OMA1: variants seen among roughly 807,000 people sequenced by gnomAD.
The protein encoded by OMA1 is metalloendopeptidase OMA1, mitochondrial.
Under a neutral mutation model 30.9 loss-of-function variants are expected in OMA1, and 38 were observed. That is an observed-to-expected ratio of 1.23 (90% CI 0.95 to 1.61). OMA1 has a LOEUF of 1.61. OMA1 is among the 40% of genes most tolerant of loss of function. The probability of loss-of-function intolerance (pLI) is 0.00; values close to 1 mark genes in which losing one functional copy is unlikely to be tolerated. For synonymous variants in OMA1, 173 were observed against 121.9 expected, an observed-to-expected ratio of 1.42 and a Z score of -2.76; for missense variants, 461 against 349.2, an observed-to-expected ratio of 1.32 and a Z score of -2.55.
rs67922378 is a variant in OMA1, at chr1:58,480,867, CTTTT to C, written c.*94_*97del. The C allele has an allele frequency of 6.6e-6, 4 of 610,634 alleles. No individual in the cohort carries two copies. The highest frequency in any genetic ancestry group is 8.2e-6 in the Non-Finnish European group (3 of 364,470). 37.8% of individuals were successfully genotyped at this position (610,634 alleles called of 1,614,324 possible). A position where few individuals can be genotyped will look rare whatever the true frequency, so the allele number is the denominator to read the frequency against. ...TGTACATGATTTGACCCTGAATATC[CTTTT>C]TTTTTTCACTTCAAACATCATTTTT... On this transcript the variant is annotated 3_prime_UTR_variant, in exon 9 of 9. Transcript: ENST00000371226.
At chr1:58,488,608 T>A (rs1645617822) in intron 8 of OMA1, among the ~76,000 whole-genome samples, 1 of 152,062 alleles carries the variant, frequency 6.6e-6, no homozygotes, top group Admixed American at 6.5e-5. Context: ...TGAGCCACCA[T>A]GTCTCGCTAA....
chr1:58,492,976 T>C (rs1335338812), intron 8 of OMA1, among the ~76,000 whole-genome samples: 1 of 152,134 alleles, frequency 6.6e-6, no homozygotes, highest in Non-Finnish European at 1.5e-5. Flanking sequence ...AAGAGAATTT[T>C]AGACCAATAT....
chr1:58,507,331 T>G (rs1414472307), intron 7 of OMA1, among the ~76,000 whole-genome samples: 1 of 151,944 alleles, frequency 6.6e-6, no homozygotes, highest in Non-Finnish European at 1.5e-5. Flanking sequence ...AGATTTATAA[T>G]AGTGTAATTG....
In OMA1 at chr1:58,534,026, T is replaced by C. The variant is rs750590457; in HGVS notation, c.938A>G (p.Asn313Ser). 1.1e-6 allele frequency: 1 copy of C among 871,076 alleles called. No individual in the cohort carries two copies. The highest frequency in any genetic ancestry group is 1.6e-5 in the African/African-American group (1 of 61,200). The allele number at this position is 871,076 out of a possible 1,614,324, so 54.0% of individuals were successfully genotyped here. A position where few individuals can be genotyped will look rare whatever the true frequency, so the allele number is the denominator to read the frequency against. ...GQMFVFTGFLNSVTDIHQLSF... is the reference protein window; with the variant it reads ...GQMFVFTGFLSSVTDIHQLSF... ...AAGTTGATGAATATCGGTTACACTATTTAAAAATCCAGTGAAAACAAACAT... is the reference window on the plus strand; with the variant it reads ...AAGTTGATGAATATCGGTTACACTACTTAAAAATCCAGTGAAAACAAACAT... The change falls in exon 5 of 9, where the codon AAT becomes AGT. Residue 313 changes from asparagine (N) to serine (S), a missense_variant. Coordinates refer to ENST00000371226, the MANE Select transcript of OMA1 (RefSeq NM_145243.5).
chr1:58,502,622 T>G (rs192904604), intron 8 of OMA1, among the ~76,000 whole-genome samples: 36 of 152,318 alleles, frequency 2.4e-4, no homozygotes, highest in Admixed American at 2.4e-3. Context: ...AATTTCAAAA[T>G]GTAGTAGTAG....
chr1:58,496,169 C>CTTTTTTTTTTTTTTTTTTTTTT (rs375006213), intron 8 of OMA1, among the ~76,000 whole-genome samples: 1 of 144,966 alleles, frequency 6.9e-6, no homozygotes, highest in East Asian at 2.1e-4. Context: ...TTTTTTTAGA[C>CTTTTTTTTTTTTTTTTTTTTTT]TTTTTTTTTT....
chr1:58,531,860 C>G (rs939619010), intron 5 of OMA1, among the ~76,000 whole-genome samples: 1 of 152,004 alleles, frequency 6.6e-6, no homozygotes, highest in East Asian at 1.9e-4. Flanking sequence ...AGGTACCCAC[C>G]ACCATGCTCA....
intron 7 of OMA1, among the ~76,000 whole-genome samples, chr1:58,514,176 A>C (rs940888438): frequency 2.6e-5 from 4 of 152,184 alleles, no homozygotes; most frequent in African/African-American, 9.7e-5. Context: ...ATTTACAAGA[A>C]GGTTCTAGTA....
chr1:58,529,100 C>A (rs1000282826), intron 6 of OMA1, among the ~76,000 whole-genome samples: 5 of 152,140 alleles, frequency 3.3e-5, no homozygotes, highest in African/African-American at 1.2e-4. Flanking sequence ...TGAGATCCTA[C>A]AACCTAAGGA....
chr1:58,526,313 T>A (rs1323795036), intron 7 of OMA1, among the ~76,000 whole-genome samples: 1 of 152,122 alleles, frequency 6.6e-6, no homozygotes, highest in Admixed American at 6.5e-5. Context: ...CCTTGATTTA[T>A]GAAATTAAAT....
chr1:58,488,664 C>CTGG (rs979478115), intron 8 of OMA1, among the ~76,000 whole-genome samples: 1 of 152,132 alleles, frequency 6.6e-6, no homozygotes, highest in Admixed American at 6.5e-5. Context: ...GTTGGTCAGG[C>CTGG]TGGTCTTGAA....
chr1:58,520,259 T>TA lies in OMA1; in HGVS notation c.1215+7001dup, dbSNP rs1478007988. ...CCTGGAACCTAAACGTTGAAAAAAA[T>TA]AAAAAATAAAAGAGCAAGCCACAGA... is the stretch of plus-strand genomic sequence containing the variant. On this transcript the variant is annotated intron_variant, in intron 7 of 8. Coordinates refer to ENST00000371226, the MANE Select transcript of OMA1 (RefSeq NM_145243.5). Among the ~76,000 whole-genome samples the TA allele has an allele frequency of 2.0e-5, 3 of 151,484 alleles. No homozygotes were observed. The East Asian group carries it at 5.8e-4, about 29-fold the overall frequency.
At chr1:58,546,019 T>C (rs1646697289) in intron 1 of OMA1, among the ~76,000 whole-genome samples, 4 of 152,198 alleles carry the variant, frequency 2.6e-5, no homozygotes, top group Admixed American at 2.6e-4. Context: ...TAAGGGATTT[T>C]CATCTCCCTG....
intron 7 of OMA1, among the ~76,000 whole-genome samples, chr1:58,519,736 T>A (rs1367815225): frequency 6.6e-6 from 1 of 151,840 alleles, no homozygotes; most frequent in Admixed American, 6.6e-5. Context: ...TTAAGAAACA[T>A]GAATTTTTAA....
chr1:58,489,092 G>C (rs1446533335), intron 8 of OMA1, among the ~76,000 whole-genome samples: 1 of 152,200 alleles, frequency 6.6e-6, no homozygotes, highest in Non-Finnish European at 1.5e-5. Flanking sequence ...TTGGCCAGTG[G>C]GTGCAGGACA....
At position 58,514,093 on chromosome 1, in the gene OMA1, T is replaced by G. The variant is rs1361724539; in HGVS notation, c.1216-7884A>C. Among the ~76,000 whole-genome samples, 3 of 152,298 alleles carry G rather than the reference T, an allele frequency of 2.0e-5. No individual in the cohort carries two copies. In the East Asian group the frequency reaches 5.8e-4, roughly 29 times the overall value. On this transcript the variant is annotated intron_variant, in intron 7 of 8. Coordinates refer to ENST00000371226, the MANE Select transcript of OMA1 (RefSeq NM_145243.5). ...AGTGGACACTATTTCTACCTTCCTT[T>G]CCCCTGGTGAGCAACTGGAGGCCTA...
chr1:58,537,776 A>G (rs1318969244), intron 2 of OMA1, among the ~76,000 whole-genome samples: 3 of 152,236 alleles, frequency 2.0e-5, no homozygotes, highest in African/African-American at 7.2e-5. Flanking sequence ...AAATCAAACT[A>G]TCGAGTATAC....
At chr1:58,527,570 CA>C in intron 6 of OMA1, among the ~76,000 whole-genome samples, 1 of 152,214 alleles carries the variant, frequency 6.6e-6, no homozygotes, top group East Asian at 1.9e-4. Context: ...AATTTCTTGA[CA>C]GTCTGTAGTA....
At chr1:58,539,534 AT>A (rs67517177) in intron 1 of OMA1, among the ~76,000 whole-genome samples, 27,158 of 152,066 alleles carry the variant, frequency 0.18, 2,562 homozygotes, top group African/African-American at 0.23. Flanking sequence ...AGAAGCTTGA[AT>A]TTTTTTCATT....
Sources: allele counts gnomAD v4.1 joint callset (sites outside exome capture counted in the v4.1 genomes callset), GRCh38; gene constraint gnomAD v4.1.1; transcripts MANE v1.5; gene names NCBI Gene and HGNC (gene_info 2026-07-23, HGNC 2026-07-21).